DPP4: variants seen among roughly 807,000 people sequenced by gnomAD.
DPP4 encodes dipeptidyl peptidase 4.
Under a neutral mutation model 122.4 loss-of-function variants are expected in DPP4, and 93 were observed. The ratio of observed to expected loss-of-function variants is 0.76; its 90% CI spans 0.64 to 0.90. DPP4 has a LOEUF of 0.90. Among genes scored for constraint, DPP4 ranks in the 40% least tolerant of loss-of-function variants. DPP4 has a pLI of 0.00. For synonymous variants in DPP4, 321 were observed against 302.9 expected (o/e 1.06, Z -0.62); for missense variants, 914 against 907.3 (o/e 1.01, Z -0.09).
chr2:162,059,575 T>C (rs1408053429), intron 2 of DPP4, among the ~76,000 whole-genome samples: 1 of 152,238 alleles, frequency 6.6e-6, no homozygotes, highest in African/African-American at 2.4e-5. Flanking sequence ...GATCAGCTCA[T>C]GTTTAAAAGA....
At chr2:162,010,411 G>A (rs1221197770) in intron 20 of DPP4, among the ~76,000 whole-genome samples, 4 of 152,200 alleles carry the variant, frequency 2.6e-5, no homozygotes, top group Non-Finnish European at 5.9e-5. Flanking sequence ...GCATCTTGCA[G>A]GATGTACACT....
chr2:162,045,341 A>T (rs1233506026), intron 5 of DPP4, among the ~76,000 whole-genome samples, 191 bp downstream of exon 5: 2 of 152,182 alleles, frequency 1.3e-5, no homozygotes, highest in Non-Finnish European at 2.9e-5. Context: ...GAAAGCACTA[A>T]AAATGAATTT....
chr2:162,017,842 T>G (rs1682978198), intron 16 of DPP4, among the ~76,000 whole-genome samples: 1 of 152,168 alleles, frequency 6.6e-6, no homozygotes, highest in Non-Finnish European at 1.5e-5. Flanking sequence ...TGAAGGCACT[T>G]TCCATACCTG....
Position 162,048,642 on chromosome 2 carries a change from G to A in DPP4, c.95-1141C>T, listed in dbSNP as rs946676232. 1.8e-4 allele frequency among the ~76,000 whole-genome samples: 28 copies of A among 152,202 alleles called. 1 individual carries two copies. The highest frequency in any genetic ancestry group is 6.7e-4 in the African/African-American group (28 of 41,530). On this transcript the variant is annotated intron_variant, in intron 2 of 25. Transcript: ENST00000360534. Reference sequence around the variant, plus strand: ...GCTCCTTTTTCTAAACCACTTCTCTGCAGTGTCTTCCCTGCTTTCCTGGTT... The same window carrying A: ...GCTCCTTTTTCTAAACCACTTCTCTACAGTGTCTTCCCTGCTTTCCTGGTT...
chr2:162,073,041 T>G (rs924830087), intron 2 of DPP4, among the ~76,000 whole-genome samples: 2 of 152,094 alleles, frequency 1.3e-5, no homozygotes, highest in African/African-American at 4.8e-5. Context: ...CCTTTTTTCC[T>G]TTTTCGATCA....
At chr2:162,040,578 AAC>A (rs148448043) in intron 5 of DPP4, among the ~76,000 whole-genome samples, 4,190 of 151,996 alleles carry the variant, frequency 0.028, 203 homozygotes, top group African/African-American at 0.096. Flanking sequence ...GAATGGGGGA[AAC>A]ACAGGGATTT....
intron 2 of DPP4, among the ~76,000 whole-genome samples, chr2:162,063,384 T>C (rs1304991675): frequency 6.6e-6 from 1 of 152,036 alleles, no homozygotes; most frequent in Non-Finnish European, 1.5e-5. Flanking sequence ...AAGTTGTAAA[T>C]GGTATTTGAG....
intron 4 of DPP4, among the ~76,000 whole-genome samples, chr2:162,046,329 A>T (rs920020818): frequency 6.6e-6 from 1 of 152,212 alleles, no homozygotes; most frequent in Admixed American, 6.5e-5. Flanking sequence ...ATTGTCGCCA[A>T]CTATGGGGGA....
intron 2 of DPP4, among the ~76,000 whole-genome samples, chr2:162,054,889 C>T (rs1437904407): frequency 6.6e-6 from 1 of 152,070 alleles, no homozygotes; most frequent in East Asian, 1.9e-4. Context: ...AATGATTAAA[C>T]AAGATAATGT....
intron 9 of DPP4, among the ~76,000 whole-genome samples, chr2:162,034,106 G>A (rs76465028): frequency 0.02 from 3,100 of 151,942 alleles, 117 homozygotes; most frequent in African/African-American, 0.072. Flanking sequence ...CCATCCACCA[G>A]AAAAATCAGT....
rs1685228964 is a variant in DPP4, at chr2:162,074,201, G to A, written c.-220C>T. The A allele has an allele frequency of 2.4e-6, 3 of 1,231,024 alleles. No individual in the cohort carries two copies. The highest frequency in any genetic ancestry group is 7.6e-5 in the South Asian group (2 of 26,156). 76.3% of individuals were successfully genotyped at this position (1,231,024 alleles called of 1,614,324 possible). On this transcript the variant is annotated 5_prime_UTR_variant, in exon 1 of 26. The change creates a new upstream start codon in the 5' untranslated region. Transcript: ENST00000360534. ...GCAGGCGGCGCGGGAGCAGGCGCGC[G>A]TGGCGCGGGGCACTGGCATCCCGGC...
At chr2:161,993,410 G>C (rs1185867768) in intron 25 of DPP4, 26 bp from the exon 26 acceptor site, 7 of 1,515,618 alleles carry the variant, frequency 4.6e-6, no homozygotes, top group Non-Finnish European at 6.4e-6. Context: ...AAAGAAGTTA[G>C]AATTAGGAAG....
chr2:162,035,748 G>A (rs1468009725), intron 8 of DPP4, among the ~76,000 whole-genome samples: 1 of 152,132 alleles, frequency 6.6e-6, no homozygotes, highest in Non-Finnish European at 1.5e-5. Context: ...CAGGGTACTG[G>A]TGGGTGGTGT....
Position 162,035,157 on chromosome 2 carries a change from C to G in DPP4, c.774+7G>C, listed in dbSNP as rs751145273. 1 of 1,611,134 alleles carries G rather than the reference C, an allele frequency of 6.2e-7. No individual in the cohort carries two copies. Among genetic ancestry groups the G allele is most frequent in the African/African-American group, 1.3e-5 (1 of 74,786 alleles). ...CATGGAACCACTGTACAAACAGGAG[C>G]ACAGACCTTTGGATATGGAACCCGT... On this transcript the variant is annotated splice_region_variant and intron_variant, in intron 9 of 25. Transcript: ENST00000360534.
chr2:162,067,385 C>A (rs903925712), intron 2 of DPP4, among the ~76,000 whole-genome samples: 1 of 152,066 alleles, frequency 6.6e-6, no homozygotes, highest in Non-Finnish European at 1.5e-5. Flanking sequence ...TGATACTCAC[C>A]TCTCCTACTC....
Position 162,073,390 on chromosome 2 carries a change from C to A in DPP4, c.94+9G>T. 2 of 1,613,892 alleles carry A rather than the reference C, an allele frequency of 1.2e-6. No individual in the cohort carries two copies. Among genetic ancestry groups the A allele is most frequent in the Non-Finnish European group, 1.7e-6 (2 of 1,179,944 alleles). ...ACTGTCCTATCTTTTTCAAATGTTT[C>A]AAACTTACTGCCTTTGTTCAGCAGA... On this transcript the variant is annotated intron_variant, in intron 2 of 25. Transcript: ENST00000360534.
Position 162,009,260 on chromosome 2 carries a change from C to T in DPP4, c.1868G>A (p.Arg623Gln), listed in dbSNP as rs147614497. Residue 623 changes from arginine to glutamine, a missense_variant, in exon 21 of 26, where the codon CGA (arginine) becomes CAA (glutamine). Arg to Gln is a conservative substitution (Grantham distance 43). Coordinates refer to ENST00000360534, the MANE Select transcript of DPP4 (RefSeq NM_001935.4). ...FSKMGFVDNK[R>Q]IAIWGWSYGG... ...ACTCACCCAGCCCCAAATTGCAATT[C>T]GTTTGTTGTCCACAAATCCCATTTT... The T allele has an allele frequency of 3.0e-5, 48 of 1,613,710 alleles. No individual in the cohort carries two copies. The Admixed American group carries it at 4.8e-4, about 16-fold the overall frequency.
In DPP4 at chr2:162,016,649, A is replaced by G. The variant is rs1003946729; in HGVS notation, c.1567+119T>C. ...TTGTGACAAAACATTTCATGGAGAAATAACCTTTTAAATTAGATTTATATA... is the reference window on the plus strand; with the variant it reads ...TTGTGACAAAACATTTCATGGAGAAGTAACCTTTTAAATTAGATTTATATA... On this transcript the variant is annotated intron_variant, in intron 18 of 25. Coordinates refer to ENST00000360534, the MANE Select transcript of DPP4 (RefSeq NM_001935.4). 5.2e-5 allele frequency: 32 copies of G among 610,904 alleles called. No individual in the cohort carries two copies. In the East Asian group the frequency reaches 9.6e-4, roughly 18 times the overall value. The allele number at this position is 610,904 out of a possible 1,614,324, so 37.8% of individuals were successfully genotyped here. A position where few individuals can be genotyped will look rare whatever the true frequency, so the allele number is the denominator to read the frequency against.
chr2:162,046,618 G>A (rs1407169020), intron 4 of DPP4: 1 of 492,006 alleles, frequency 2.0e-6, no homozygotes, highest in East Asian at 5.4e-5. Context: ...CAGTAATGCT[G>A]TGGGGTTGCA....
Sources: allele counts gnomAD v4.1 joint callset (sites outside exome capture counted in the v4.1 genomes callset), GRCh38; gene constraint gnomAD v4.1.1; transcripts MANE v1.5; gene names NCBI Gene and HGNC (gene_info 2026-07-23, HGNC 2026-07-21).